TJAP1: variants seen among roughly 807,000 people sequenced by gnomAD.
The protein encoded by TJAP1 is tight junction-associated protein 1.
Under a neutral mutation model 42.0 loss-of-function variants are expected in TJAP1, and 27 were observed. The ratio of observed to expected loss-of-function variants is 0.64; its 90% CI spans 0.47 to 0.89. The LOEUF (loss-of-function observed/expected upper bound fraction) is 0.89, where lower values mean the gene tolerates loss of function less well. TJAP1 is among the 40% of genes least tolerant of loss of function. The pLI is 0.00. For missense variants in TJAP1, 712 were observed against 726.9 expected, an observed-to-expected ratio of 0.98 and a Z score of 0.24; for synonymous variants, 257 against 288.4, an observed-to-expected ratio of 0.89 and a Z score of 1.10.
At chr6:43,502,938 C>T (rs1791306064) in intron 8 of TJAP1, 1 of 514,400 alleles carries the variant, frequency 1.9e-6, no homozygotes, top group East Asian at 3.6e-5. Flanking sequence ...AACTGGAGAT[C>T]AGAAGGCTAC....
At chr6:43,484,082 C>CAA (rs202198214) in intron 2 of TJAP1, among the ~76,000 whole-genome samples, 2,030 of 143,466 alleles carry the variant, frequency 0.014, 47 homozygotes, top group African/African-American at 0.049. Context: ...AAATTAAAAA[C>CAA]AAAAAAAAAA....
intron 8 of TJAP1, 34 bp downstream of exon 8, chr6:43,502,651 C>T: frequency 6.4e-7 from 1 of 1,551,378 alleles, no homozygotes; most frequent in Non-Finnish European, 8.7e-7. Context: ...TCTCCCTTGC[C>T]CTGGCCTTCT....
chr6:43,497,245 C>T (rs1049842188), intron 2 of TJAP1: 1 of 152,114 alleles, frequency 6.6e-6, no homozygotes, highest in Non-Finnish European at 1.5e-5. Context: ...ACTTGCCAGA[C>T]GTCCCTGGGG....
intron 3 of TJAP1, among the ~76,000 whole-genome samples, chr6:43,498,367 C>G (rs1789710746): frequency 6.6e-6 from 1 of 152,062 alleles, no homozygotes; most frequent in Non-Finnish European, 1.5e-5. Flanking sequence ...AGAGTTTGAG[C>G]CTGGGCAACA....
intron 2 of TJAP1, among the ~76,000 whole-genome samples, chr6:43,486,686 A>G (rs563428578): frequency 1.1e-3 from 162 of 152,084 alleles, no homozygotes; most frequent in African/African-American, 3.3e-3. Flanking sequence ...CCTAATTAGC[A>G]TCCCTAGAAA....
rs1788083857 is a variant in TJAP1 at position 43,492,740 on chromosome 6, C to G, written c.-121-5141C>G. Among the ~76,000 whole-genome samples the G allele has an allele frequency of 6.6e-6, 1 of 152,182 alleles. No homozygotes were observed. Among genetic ancestry groups the G allele is most frequent in the African/African-American group, 2.4e-5 (1 of 41,452 alleles). The stretch of plus-strand genomic sequence containing the variant: ...AATCCCCAGGACCAAGGCCAGGTCA[C>G]CTGGTTCCAGGGCTTACGCTTGCAG... On this transcript the variant is annotated intron_variant, in intron 2 of 10. Coordinates refer to ENST00000372449, the Ensembl canonical transcript of TJAP1. The surrounding 1 kb of genome is among the most constrained non-coding windows in gnomAD (Gnocchi z 4.2).
chr6:43,501,846 C>G (rs1790740883), intron 6 of TJAP1, among the ~76,000 whole-genome samples, 159 bp downstream of exon 6: 1 of 132,394 alleles, frequency 7.6e-6, no homozygotes, highest in African/African-American at 2.9e-5. Context: ...TCATCTAATT[C>G]CTATTAAAAA....
At chr6:43,480,439 AT>A (rs1785069541) in intron 2 of TJAP1, among the ~76,000 whole-genome samples, 2 of 152,280 alleles carry the variant, frequency 1.3e-5, no homozygotes, top group Non-Finnish European at 2.9e-5. Context: ...GATGATAATA[AT>A]AACAATAATG....
At chr6:43,504,337 G>T (rs1465220436) in intron 10 of TJAP1, 7 of 227,328 alleles carry the variant, frequency 3.1e-5, no homozygotes, top group Non-Finnish European at 6.2e-5. Context: ...GGATGGTCTC[G>T]ATCTCCTGAC....
intron 10 of TJAP1, chr6:43,504,120 T>C (rs1414762523): frequency 1.0e-5 from 3 of 300,746 alleles, no homozygotes; most frequent in South Asian, 9.4e-5. Flanking sequence ...TATTTCTTTT[T>C]TTTTTTTTTT....
At chr6:43,493,531 T>G (rs914313680) in intron 2 of TJAP1, among the ~76,000 whole-genome samples, 2 of 152,198 alleles carry the variant, frequency 1.3e-5, no homozygotes, top group African/African-American at 4.8e-5. Flanking sequence ...CCAGTCTGGA[T>G]TCCTGTCTCC....
intron 8 of TJAP1, 132 bp from the exon 9 acceptor site, chr6:43,503,269 T>G: frequency 1.5e-6 from 1 of 667,230 alleles, no homozygotes; most frequent in Non-Finnish European, 2.7e-6. Context: ...CTGTCCGTCA[T>G]TTGTCTCTGC....
At position 43,505,592 on chromosome 6, in the gene TJAP1, C is replaced by T. The variant is rs753393813; in HGVS notation, c.1411C>T (p.Leu471=). ...CCGACCCGAAGAGAGTGAGCTTTTGCTACCCACAGAACCTGACTCTGGCTT... is the reference window on the plus strand; with the variant it reads ...CCGACCCGAAGAGAGTGAGCTTTTGTTACCCACAGAACCTGACTCTGGCTT... The change falls in exon 11 of 11, where the codon CTA becomes TTA. Residue 471 remains leucine (L), a synonymous_variant. Transcript: ENST00000372449. This position sits in a 1 kb window ranked among gnomAD's most constrained non-coding sequence, Gnocchi z 5.5. The T allele has an allele frequency of 1.2e-6, 2 of 1,613,516 alleles. No homozygotes were observed. The highest frequency in any genetic ancestry group is 2.2e-5 in the East Asian group (1 of 44,892).
intron 2 of TJAP1, among the ~76,000 whole-genome samples, chr6:43,483,191 ACTGT>A (rs945257059): frequency 9.2e-5 from 14 of 152,014 alleles, no homozygotes; most frequent in Middle Eastern, 3.4e-3. Flanking sequence ...TAAAGCCCAC[ACTGT>A]CTGGCTTGGC....
exon 4 of TJAP1, chr6:43,498,988 C>A (rs199875670): frequency 1.2e-6 from 2 of 1,613,170 alleles, no homozygotes; most frequent in Non-Finnish European, 1.7e-6. Context: ...GCGGAGGAGC[C>A]GTCACCTCCC....
At chr6:43,498,217 T>G (rs1239312650) in intron 3 of TJAP1, among the ~76,000 whole-genome samples, 20 of 152,208 alleles carry the variant, frequency 1.3e-4, no homozygotes. Flanking sequence ...TAAACTAACA[T>G]TTATTCAACA....
chr6:43,498,588 C>T (rs77355607), intron 3 of TJAP1, among the ~76,000 whole-genome samples: 7,823 of 152,262 alleles, frequency 0.051, 318 homozygotes, highest in African/African-American at 0.11. Context: ...GCTGTTTTAT[C>T]GCTAATTTAG....
chr6:43,502,185 G>C, intron 6 of TJAP1, 98 bp from the exon 7 acceptor site: 2 of 1,244,144 alleles, frequency 1.6e-6, no homozygotes, highest in Non-Finnish European at 2.3e-6. Context: ...GTTCTTGAGG[G>C]AGAATGACAT....
At chr6:43,504,491 G>A (rs1345226600) in intron 10 of TJAP1, 1 of 519,072 alleles carries the variant, frequency 1.9e-6, no homozygotes, top group East Asian at 3.3e-5. Context: ...CAGAAGCTGG[G>A]AGATAGAAGT....
Sources: gnomAD v4.1 joint callset for allele counts (sites outside exome capture counted in the v4.1 genomes callset) on GRCh38, gnomAD v4.1.1 for gene constraint, Gnocchi (gnomAD v3.1) non-coding constraint, MANE v1.5 for transcripts, NCBI Gene and HGNC (gene_info 2026-07-23, HGNC 2026-07-21) for gene names.